The following SORCS3 variants were observed in gnomAD, a reference collection of about 807,000 sequenced individuals.
The protein encoded by SORCS3 is VPS10 domain-containing receptor SorCS3.
In SORCS3, 57 loss-of-function variants were observed where a neutral mutation model predicts 146.3. That is an observed-to-expected ratio of 0.39 (90% CI 0.31 to 0.49). The LOEUF (loss-of-function observed/expected upper bound fraction) is 0.49. Among genes scored for constraint, SORCS3 ranks in the 20% least tolerant of loss-of-function variants. SORCS3 has a pLI of 0.92. For missense variants in SORCS3, 1,341 were observed against 1,575.5 expected, an observed-to-expected ratio of 0.85 and a Z score of 2.52; for synonymous variants, 653 against 618.5, an observed-to-expected ratio of 1.06 and a Z score of -0.83.
intron 3 of SORCS3, among the ~76,000 whole-genome samples, chr10:104,964,032 A>G (rs565239616): frequency 3.3e-5 from 5 of 152,216 alleles, no homozygotes; most frequent in Admixed American, 2.6e-4. Context: ...CAGGCCATTC[A>G]TCTGTCCCTT....
chr10:105,228,758 C>T (rs973563927), intron 20 of SORCS3, among the ~76,000 whole-genome samples: 1 of 152,024 alleles, frequency 6.6e-6, no homozygotes, highest in African/African-American at 2.4e-5. Context: ...AGATGTTTTC[C>T]TTTGCCTATT....
intron 6 of SORCS3, among the ~76,000 whole-genome samples, chr10:105,091,749 T>C (rs1669765791): frequency 1.3e-5 from 2 of 152,158 alleles, no homozygotes; most frequent in Non-Finnish European, 2.9e-5. Context: ...GGATTCAAAA[T>C]TATATTATCC....
intron 4 of SORCS3, among the ~76,000 whole-genome samples, chr10:105,035,255 G>A (rs1472272168): frequency 6.6e-6 from 1 of 152,110 alleles, no homozygotes; most frequent in African/African-American, 2.4e-5. Flanking sequence ...AATACCCATG[G>A]AATTTTAAGG....
At chr10:105,065,314 A>G (rs2055515816) in intron 5 of SORCS3, among the ~76,000 whole-genome samples, 1 of 152,188 alleles carries the variant, frequency 6.6e-6, no homozygotes, top group African/African-American at 2.4e-5. Context: ...CTACTAGTCT[A>G]TGATGAGATA....
chr10:104,732,790 G>T (rs1164723676), intron 1 of SORCS3, among the ~76,000 whole-genome samples: 2 of 152,166 alleles, frequency 1.3e-5, no homozygotes, highest in Non-Finnish European at 2.9e-5. Context: ...CATCTAGATG[G>T]CCTATTTAGC....
intron 5 of SORCS3, among the ~76,000 whole-genome samples, chr10:105,074,632 T>TG (rs997708950): frequency 2.2e-4 from 34 of 152,330 alleles, no homozygotes; most frequent in African/African-American, 7.7e-4. Context: ...GTCTTCTTCC[T>TG]GGGGGTCCCC....
chr10:105,101,372 G>A (rs1375888141), intron 6 of SORCS3, among the ~76,000 whole-genome samples: 1 of 152,130 alleles, frequency 6.6e-6, no homozygotes, highest in African/African-American at 2.4e-5. Flanking sequence ...GTTTCCCCAT[G>A]CCCCTACTTC....
At chr10:104,780,005 A>G (rs1267418292) in intron 1 of SORCS3, among the ~76,000 whole-genome samples, 1 of 151,774 alleles carries the variant, frequency 6.6e-6, no homozygotes, top group Non-Finnish European at 1.5e-5. Context: ...GCACATTGCT[A>G]TTTTGCTTAT....
intron 14 of SORCS3, among the ~76,000 whole-genome samples, chr10:105,192,527 A>G (rs945862664): frequency 1.3e-5 from 2 of 152,096 alleles, no homozygotes; most frequent in Non-Finnish European, 2.9e-5. Flanking sequence ...GAAATGGGAC[A>G]GTTGGTGGTT....
chr10:104,683,041 C>T (rs1433825544), intron 1 of SORCS3, among the ~76,000 whole-genome samples: 1 of 152,230 alleles, frequency 6.6e-6, no homozygotes, highest in East Asian at 1.9e-4. Context: ...GACATCTAAG[C>T]ATGCTTTGGC....
chr10:104,943,519 T>C (rs11815179), intron 3 of SORCS3, among the ~76,000 whole-genome samples: 1,820 of 152,328 alleles, frequency 0.012, 47 homozygotes, highest in African/African-American at 0.042. Flanking sequence ...TCATGAATGC[T>C]GAGTGGAGAC....
intron 7 of SORCS3, 116 bp from the exon 8 acceptor site, chr10:105,139,281 T>G: frequency 1.3e-6 from 1 of 772,042 alleles, no homozygotes. Context: ...GCAAGGAATA[T>G]TCTCTAAAAG....
At chr10:105,118,070 C>A (rs1457486670) in intron 7 of SORCS3, among the ~76,000 whole-genome samples, 1 of 152,000 alleles carries the variant, frequency 6.6e-6, no homozygotes, top group Non-Finnish European at 1.5e-5. Flanking sequence ...TACTTCCTAC[C>A]CTCTCTGATA....
intron 1 of SORCS3, among the ~76,000 whole-genome samples, chr10:104,674,682 C>A (rs1379521350): frequency 2.6e-5 from 4 of 152,136 alleles, no homozygotes; most frequent in African/African-American, 9.7e-5. Context: ...CAATAAATAT[C>A]TGTTGTTTTA....
At chr10:104,783,683 C>T (rs149842967) in intron 1 of SORCS3, among the ~76,000 whole-genome samples, 2,080 of 152,128 alleles carry the variant, frequency 0.014, 36 homozygotes, top group African/African-American at 0.04. Flanking sequence ...ACCAAGATTG[C>T]GCCATTGCAC....
chr10:104,961,459 T>A (rs2054795849), intron 3 of SORCS3, among the ~76,000 whole-genome samples: 1 of 152,138 alleles, frequency 6.6e-6, no homozygotes, highest in South Asian at 2.1e-4. Flanking sequence ...CAAAATGACT[T>A]CAAGACCAAT....
At chr10:105,040,154 C>T (rs2055330096) in intron 4 of SORCS3, among the ~76,000 whole-genome samples, 1 of 152,066 alleles carries the variant, frequency 6.6e-6, no homozygotes, top group Non-Finnish European at 1.5e-5. Context: ...TTTTAAAACC[C>T]TACATGAAAA....
intron 1 of SORCS3, among the ~76,000 whole-genome samples, chr10:104,649,509 A>C (rs2133237655): frequency 6.6e-6 from 1 of 152,314 alleles, no homozygotes; most frequent in South Asian, 2.1e-4. Flanking sequence ...GAAATGTTGA[A>C]GCAGAGGAAG....
At chr10:105,002,615 C>T (rs1182185214) in intron 4 of SORCS3, among the ~76,000 whole-genome samples, 1 of 152,224 alleles carries the variant, frequency 6.6e-6, no homozygotes, top group East Asian at 1.9e-4. Flanking sequence ...ATGGCACTAA[C>T]CACATTTCAA....
Sources: gnomAD v4.1 joint callset for allele counts (sites outside exome capture counted in the v4.1 genomes callset) on GRCh38, gnomAD v4.1.1 for gene constraint, MANE v1.5 for transcripts, NCBI Gene and HGNC (gene_info 2026-07-23, HGNC 2026-07-21) for gene names.